FHIT: variants seen among roughly 807,000 people sequenced by gnomAD.
FHIT encodes bis(5'-adenosyl)-triphosphatase.
FHIT carries 19 observed loss-of-function variants against 17.9 expected under a neutral mutation model. The observed-to-expected ratio is 1.06, with a 90% CI of 0.74 to 1.56. The LOEUF is 1.56. FHIT is among the 40% of genes most tolerant of loss of function. The pLI, the probability that FHIT is intolerant of heterozygous loss-of-function variation, is 0.00. For missense variants in FHIT, 248 were observed against 189.2 expected (o/e 1.31, Z -1.82); for synonymous variants, 81 against 69.7 (o/e 1.16, Z -0.81).
intron 2 of FHIT, among the ~76,000 whole-genome samples, chr3:61,077,679 C>T (rs2035013328): frequency 6.6e-6 from 1 of 152,126 alleles, no homozygotes; most frequent in African/African-American, 2.4e-5. Context: ...TCAAAAGATA[C>T]TGGCATCTGG....
intron 4 of FHIT, among the ~76,000 whole-genome samples, chr3:60,809,964 T>C (rs1701520537): frequency 6.6e-6 from 1 of 152,132 alleles, no homozygotes; most frequent in Non-Finnish European, 1.5e-5. Context: ...TATAAACAAA[T>C]TGAGAAACCC....
At position 60,652,953 on chromosome 3, in the gene FHIT, CA is replaced by C. The variant is rs879969772; in HGVS notation, c.-17-115975del. On this transcript the variant is annotated intron_variant, in intron 4 of 9. Coordinates refer to ENST00000492590, the MANE Select transcript of FHIT (RefSeq NM_002012.4). ...CAAAACAAAACAAAACAAAACAAAACAAAACCTTACTCTAGCACATTGCGAT... is the reference window on the plus strand; with the variant it reads ...CAAAACAAAACAAAACAAAACAAAACAAACCTTACTCTAGCACATTGCGAT... Among the ~76,000 whole-genome samples, 1,459 of 151,198 alleles carry C rather than the reference CA, an allele frequency of 9.6e-3. 17 individuals carry two copies. Among genetic ancestry groups the C allele is most frequent in the Middle Eastern group, 0.017 (5 of 294 alleles).
At chr3:60,895,109 G>A (rs1329108144) in intron 3 of FHIT, among the ~76,000 whole-genome samples, 1 of 152,186 alleles carries the variant, frequency 6.6e-6, no homozygotes, top group Non-Finnish European at 1.5e-5. Flanking sequence ...CCTCCTTGAA[G>A]CTGGAATACT....
chr3:61,249,945 C>CACAT lies in FHIT; in HGVS notation c.-213+1355_-213+1356insATGT, dbSNP rs1437699122. Among the ~76,000 whole-genome samples the CACAT allele has an allele frequency of 5.8e-5, 5 of 85,794 alleles. No individual in the cohort carries two copies. The Admixed American group carries it at 7.9e-4, about 14-fold the overall frequency. The allele number at this position is 85,794 out of a possible 152,430, so 56.3% of individuals were successfully genotyped here. A position where few individuals can be genotyped will look rare whatever the true frequency, so the allele number is the denominator to read the frequency against. On this transcript the variant is annotated intron_variant, in intron 1 of 9. Coordinates refer to ENST00000492590, the MANE Select transcript of FHIT (RefSeq NM_002012.4). ...TGCAATCAATAACAACACACACACA[C>CACAT]ACACACACACACACACACACACACA...
chr3:61,115,403 AG>A (rs2036272545), intron 2 of FHIT, among the ~76,000 whole-genome samples: 1 of 152,114 alleles, frequency 6.6e-6, no homozygotes, highest in South Asian at 2.1e-4. Flanking sequence ...CCAAGAGTAA[AG>A]GCCAAGCACA....
chr3:61,221,087 C>T (rs2039822979), intron 1 of FHIT, among the ~76,000 whole-genome samples: 1 of 140,164 alleles, frequency 7.1e-6, no homozygotes, highest in African/African-American at 2.6e-5. Flanking sequence ...AATCAAATTC[C>T]ATGAAATCTC....
intron 5 of FHIT, among the ~76,000 whole-genome samples, chr3:60,363,486 A>C (rs146167440): frequency 0.011 from 1,639 of 152,228 alleles, 28 homozygotes; most frequent in Middle Eastern, 0.031. Context: ...TATGGATCTC[A>C]TTTATTCCCA....
chr3:61,015,686 G>C (rs1368125614), intron 3 of FHIT, among the ~76,000 whole-genome samples: 1 of 152,148 alleles, frequency 6.6e-6, no homozygotes, highest in Non-Finnish European at 1.5e-5. Context: ...TGAAGAACAT[G>C]AAGGAATGTG....
intron 5 of FHIT, among the ~76,000 whole-genome samples, chr3:60,415,946 G>A (rs1246311030): frequency 6.7e-6 from 1 of 148,298 alleles, no homozygotes; most frequent in Non-Finnish European, 1.5e-5. Flanking sequence ...TAATTATAGT[G>A]TAAAATATAT....
chr3:60,429,420 C>T (rs999413393), intron 5 of FHIT, among the ~76,000 whole-genome samples: 1 of 151,822 alleles, frequency 6.6e-6, no homozygotes, highest in East Asian at 1.9e-4. Flanking sequence ...CAAAGAAACC[C>T]AAGCAAAAAG....
chr3:60,278,374 C>G (rs1222302154), intron 5 of FHIT, among the ~76,000 whole-genome samples: 1 of 152,162 alleles, frequency 6.6e-6, no homozygotes, highest in African/African-American at 2.4e-5. Flanking sequence ...TTAGTCCCCT[C>G]CAGACTCTTT....
rs182839837 is a variant in FHIT, at chr3:60,273,746, C to A, written c.104-259594G>T. Among the ~76,000 whole-genome samples the A allele has an allele frequency of 1.4e-4, 21 of 152,294 alleles. 1 individual carries two copies. The South Asian group carries it at 3.5e-3, about 26-fold the overall frequency. On this transcript the variant is annotated intron_variant, in intron 5 of 9. Coordinates refer to ENST00000492590, the MANE Select transcript of FHIT (RefSeq NM_002012.4). ...CAATTAACATGATGGTACCTCCTAA[C>A]TTCTAAGCTTGTTTCTTTAACGTGA...
Position 60,155,740 on chromosome 3 carries a change from T to C in FHIT, c.104-141588A>G, listed in dbSNP as rs372919004. Among the ~76,000 whole-genome samples the C allele has an allele frequency of 5.3e-5, 8 of 152,306 alleles. No individual in the cohort carries two copies. In the East Asian group the frequency reaches 7.7e-4, roughly 15 times the overall value. On this transcript the variant is annotated intron_variant, in intron 5 of 9. Coordinates refer to ENST00000492590, the MANE Select transcript of FHIT (RefSeq NM_002012.4). ...AATAAAGAATACCACGTTGACTCCA[T>C]GCGTTAGCTTTGTTTGCTGTTTGTG...
At chr3:61,128,957 T>A (rs955886201) in intron 2 of FHIT, among the ~76,000 whole-genome samples, 2 of 152,046 alleles carry the variant, frequency 1.3e-5, no homozygotes, top group African/African-American at 4.8e-5. Context: ...AATGCCAAGC[T>A]CCAGTAACTG....
intron 7 of FHIT, among the ~76,000 whole-genome samples, chr3:60,000,895 C>G (rs1699705696): frequency 6.6e-6 from 1 of 152,182 alleles, no homozygotes; most frequent in Admixed American, 6.5e-5. Flanking sequence ...ATTTCTGCCA[C>G]CTGGTCTTCA....
At chr3:60,533,251 C>G (rs746384061) in intron 5 of FHIT, among the ~76,000 whole-genome samples, 14 of 152,148 alleles carry the variant, frequency 9.2e-5, no homozygotes, top group Non-Finnish European at 2.1e-4. Flanking sequence ...AAGACTTGGC[C>G]TTGGGGATGG....
chr3:60,118,202 G>T (rs1397171119), intron 5 of FHIT, among the ~76,000 whole-genome samples: 2 of 152,008 alleles, frequency 1.3e-5, no homozygotes, highest in Non-Finnish European at 2.9e-5. Flanking sequence ...CAGTTTCTGG[G>T]TTCAAGCGAT....
intron 1 of FHIT, among the ~76,000 whole-genome samples, chr3:61,203,191 A>AAG (rs900463397): frequency 6.7e-6 from 1 of 149,932 alleles, no homozygotes; most frequent in African/African-American, 2.4e-5. Flanking sequence ...AAAAAAAAAA[A>AAG]AAAAAAAATT....
intron 4 of FHIT, among the ~76,000 whole-genome samples, chr3:60,666,800 G>A (rs1191980439): frequency 6.6e-6 from 1 of 151,788 alleles, no homozygotes; most frequent in Non-Finnish European, 1.5e-5. Flanking sequence ...AGCCTCCTGA[G>A]TAGCTGGGAC....
Sources: gnomAD v4.1 joint callset for allele counts (sites outside exome capture counted in the v4.1 genomes callset) on GRCh38, gnomAD v4.1.1 for gene constraint, MANE v1.5 for transcripts, NCBI Gene and HGNC (gene_info 2026-07-23, HGNC 2026-07-21) for gene names.